HSDL2: variants seen among roughly 807,000 people sequenced by gnomAD.
HSDL2 encodes hydroxysteroid dehydrogenase-like protein 2.
In HSDL2, 27 loss-of-function variants were observed where a neutral mutation model predicts 46.3. That is an observed-to-expected ratio of 0.58 (90% CI 0.43 to 0.80). The LOEUF is 0.80. Among genes scored for constraint, HSDL2 ranks in the 30% least tolerant of loss-of-function variants. The pLI is 0.00. For synonymous variants in HSDL2, 153 were observed against 163.6 expected (o/e 0.94, Z 0.50); for missense variants, 451 against 502.7 (o/e 0.90, Z 0.98).
At chr9:112,442,268 C>CAA (rs71382431) in intron 8 of HSDL2, among the ~76,000 whole-genome samples, 16 of 47,442 alleles carry the variant, frequency 3.4e-4, no homozygotes, top group Middle Eastern at 0.011. Flanking sequence ...GACCCTGTCT[C>CAA]AAAAAAAAAA....
chr9:112,450,417 G>C (rs9886705), intron 8 of HSDL2, among the ~76,000 whole-genome samples: 145,245 of 152,030 alleles, frequency 0.96, 69,446 homozygotes, highest in African/African-American at 0.98. Context: ...ATCACCTGAG[G>C]TCGGGAGTTC....
Position 112,459,431 on chromosome 9 carries a change from A to G in HSDL2, c.1016-18A>G, listed in dbSNP as rs1401556415. 7 of 1,612,020 alleles carry G rather than the reference A, an allele frequency of 4.3e-6. No homozygotes were observed. The highest frequency in any genetic ancestry group is 4.0e-5 in the African/African-American group (3 of 74,854). On this transcript the variant is annotated intron_variant, in intron 9 of 10. Coordinates refer to ENST00000398805, the MANE Select transcript of HSDL2 (RefSeq NM_032303.5). ...CAGGGCTTCTATGACATTGATTTCT[A>G]TATGTTTATCTCTCTAGGTGAAGAT...
intron 6 of HSDL2, among the ~76,000 whole-genome samples, chr9:112,432,357 G>A (rs535193050): frequency 1.3e-5 from 2 of 152,284 alleles, no homozygotes; most frequent in Admixed American, 1.3e-4. Context: ...TGGTTGTTCA[G>A]TGTCTTCTTT....
Position 112,381,134 on chromosome 9 carries a change from TAGC to T in HSDL2, c.17+960_17+962del, listed in dbSNP as rs552534813. On this transcript the variant is annotated intron_variant, in intron 1 of 10. Coordinates refer to ENST00000398805, the MANE Select transcript of HSDL2 (RefSeq NM_032303.5). The stretch of plus-strand genomic sequence containing the variant: ...ACACACACATACCCTTTCTTAAAAA[TAGC>T]AGCAGACTCTATTCTTGGTCTTGCT... 4.2e-3 allele frequency among the ~76,000 whole-genome samples: 512 copies of T among 121,880 alleles called. 4 individuals carry two copies. The highest frequency in any genetic ancestry group is 5.4e-3 in the Non-Finnish European group (303 of 56,502). The allele number at this position is 121,880 out of a possible 152,430, so 80.0% of individuals were successfully genotyped here.
At chr9:112,410,705 T>A (rs62569983) in intron 4 of HSDL2, among the ~76,000 whole-genome samples, 1 of 151,978 alleles carries the variant, frequency 6.6e-6, no homozygotes, top group South Asian at 2.1e-4. Flanking sequence ...GCCAGGCGGG[T>A]CACTTGAGCC....
Position 112,404,112 on chromosome 9 carries a change from G to A in HSDL2, c.135G>A (p.Gln45=), listed in dbSNP as rs1467463282. 1 of 1,614,034 alleles carries A rather than the reference G, an allele frequency of 6.2e-7. No individual in the cohort carries two copies. The highest frequency in any genetic ancestry group is 1.3e-5 in the African/African-American group (1 of 74,908). The change falls in exon 2 of 11, where the codon CAG becomes CAA. Residue 45 remains glutamine, a synonymous_variant. Coordinates refer to ENST00000398805, the MANE Select transcript of HSDL2 (RefSeq NM_032303.5). The part of the protein sequence containing the change: ...ANIVIAAKTA[Q]PHPKLLGTIY... ...TTGTTATTGCTGCAAAGACCGCCCAGCCACATCCAAAACTTCTAGGCACAA... is the reference window on the plus strand; with the variant it reads ...TTGTTATTGCTGCAAAGACCGCCCAACCACATCCAAAACTTCTAGGCACAA...
rs548706717 is a variant in HSDL2 at position 112,395,289 on chromosome 9, C to T, written c.18-8706C>T. 2.3e-4 allele frequency among the ~76,000 whole-genome samples: 35 copies of T among 152,264 alleles called. No individual in the cohort carries two copies. In the South Asian group the frequency reaches 6.4e-3, roughly 28 times the overall value. On this transcript the variant is annotated intron_variant, in intron 1 of 10. Coordinates refer to ENST00000398805, the MANE Select transcript of HSDL2 (RefSeq NM_032303.5). ...CACCAGGTATGAGGGCAGTCTCTGA[C>T]GCGGACATCTCTTTTCTGTGGTTTT...
At chr9:112,380,307 C>G in intron 1 of HSDL2, 127 bp downstream of exon 1, 2 of 846,930 alleles carry the variant, frequency 2.4e-6, no homozygotes, top group Non-Finnish European at 3.6e-6. Flanking sequence ...CCTGGGCACG[C>G]TCTGAGCTCT....
At chr9:112,391,886 C>CAAAA (rs769571189) in intron 1 of HSDL2, among the ~76,000 whole-genome samples, 4 of 55,194 alleles carry the variant, frequency 7.2e-5, no homozygotes, top group Admixed American at 1.9e-4. Flanking sequence ...AACTCTGTCT[C>CAAAA]AAAAAAAAAA....
At chr9:112,448,723 A>AAT (rs1402501776) in intron 8 of HSDL2, among the ~76,000 whole-genome samples, 1 of 103,622 alleles carries the variant, frequency 9.7e-6, no homozygotes, top group Admixed American at 1.0e-4. Flanking sequence ...TTTTTTTTTT[A>AAT]TTTTTTTATT....
In HSDL2 at chr9:112,420,711, T is replaced by C. The variant is rs115308131; in HGVS notation, c.598+1753T>C. Among the ~76,000 whole-genome samples, 1,480 of 152,248 alleles carry C rather than the reference T, an allele frequency of 9.7e-3. 29 individuals carry two copies. The highest frequency in any genetic ancestry group is 0.034 in the African/African-American group (1,411 of 41,542). On this transcript the variant is annotated intron_variant, in intron 6 of 10. Coordinates refer to ENST00000398805, the MANE Select transcript of HSDL2 (RefSeq NM_032303.5). ...CCTTTGTCCCGAGAATACTCTTGTCTCTAATTCTAATGTAACATCATATAC... is the reference window on the plus strand; with the variant it reads ...CCTTTGTCCCGAGAATACTCTTGTCCCTAATTCTAATGTAACATCATATAC...
intron 6 of HSDL2, among the ~76,000 whole-genome samples, chr9:112,436,957 TTTC>T (rs1832539113): frequency 8.4e-6 from 1 of 118,574 alleles, no homozygotes; most frequent in African/African-American, 3.3e-5. Flanking sequence ...CTTTTCTTTT[TTTC>T]TTTTTTTTTT....
At chr9:112,420,845 T>C (rs1832104012) in intron 6 of HSDL2, among the ~76,000 whole-genome samples, 2 of 152,236 alleles carry the variant, frequency 1.3e-5, no homozygotes, top group African/African-American at 4.8e-5. Flanking sequence ...CAAGTTCTGT[T>C]TAGAAATAAC....
intron 1 of HSDL2, among the ~76,000 whole-genome samples, chr9:112,385,698 T>C (rs2132590232): frequency 6.6e-6 from 1 of 152,114 alleles, no homozygotes; most frequent in East Asian, 1.9e-4. Flanking sequence ...TTTCACCATG[T>C]TGGTCAGGCT....
intron 9 of HSDL2, among the ~76,000 whole-genome samples, chr9:112,458,320 C>CTTT (rs202071222): frequency 8.4e-6 from 1 of 119,592 alleles, no homozygotes. Flanking sequence ...ACCACTTCTT[C>CTTT]TTTTTTTTTT....
At chr9:112,458,086 T>A (rs923811153) in intron 9 of HSDL2, among the ~76,000 whole-genome samples, 2 of 121,048 alleles carry the variant, frequency 1.7e-5, no homozygotes, top group East Asian at 4.8e-4. Flanking sequence ...AACACCCATC[T>A]ACCTTCTAGT....
intron 7 of HSDL2, 104 bp downstream of exon 7, chr9:112,438,729 T>C (rs575296442): frequency 1.5e-6 from 1 of 677,158 alleles, no homozygotes; most frequent in East Asian, 2.9e-5. Flanking sequence ...AAAATGAATG[T>C]GTTCTTTTAA....
chr9:112,398,757 G>A (rs939897423), intron 1 of HSDL2, among the ~76,000 whole-genome samples: 5 of 152,054 alleles, frequency 3.3e-5, no homozygotes, highest in Admixed American at 2.6e-4. Flanking sequence ...CTGGAATTTT[G>A]CACCAACATG....
intron 6 of HSDL2, among the ~76,000 whole-genome samples, chr9:112,424,865 A>G (rs1257847433): frequency 6.6e-6 from 1 of 151,730 alleles, no homozygotes; most frequent in Middle Eastern, 3.2e-3. Flanking sequence ...CATAAAAACT[A>G]TATACCTTTA....
Sources: allele counts gnomAD v4.1 joint callset (sites outside exome capture counted in the v4.1 genomes callset), GRCh38; gene constraint gnomAD v4.1.1; transcripts MANE v1.5; gene names NCBI Gene and HGNC (gene_info 2026-07-23, HGNC 2026-07-21).